The following KIF13A variants were observed in gnomAD, a reference collection of about 807,000 sequenced individuals.
KIF13A encodes the protein kinesin-like protein KIF13A.
Under a neutral mutation model 212.2 loss-of-function variants are expected in KIF13A, and 79 were observed. The ratio of observed to expected loss-of-function variants is 0.37; its 90% CI spans 0.31 to 0.45. The LOEUF (loss-of-function observed/expected upper bound fraction) is 0.45, where lower values mean the gene tolerates loss of function less well. Among genes scored for constraint, KIF13A ranks in the 20% least tolerant of loss-of-function variants. The pLI is 1.00. For missense variants in KIF13A, 1,901 were observed against 2,209.0 expected, an observed-to-expected ratio of 0.86 and a Z score of 2.79; for synonymous variants, 789 against 808.6, an observed-to-expected ratio of 0.98 and a Z score of 0.41.
At chr6:17,791,349 G>A (rs944661368) in intron 25 of KIF13A, among the ~76,000 whole-genome samples, 3 of 150,954 alleles carry the variant, frequency 2.0e-5, no homozygotes, top group African/African-American at 7.3e-5. Flanking sequence ...ATTGGTTTCA[G>A]CTACTGCATG....
chr6:17,975,331 G>C (rs527825232), intron 2 of KIF13A, among the ~76,000 whole-genome samples: 2 of 149,190 alleles, frequency 1.3e-5, no homozygotes, highest in Non-Finnish European at 3.0e-5. Flanking sequence ...GTAGGTTCTT[G>C]GTCTCACTAA....
rs148662800 is a variant in KIF13A at position 17,782,255 on chromosome 6, C to T, written c.3545-954G>A. On this transcript the variant is annotated intron_variant, in intron 29 of 38. Coordinates refer to ENST00000259711, the MANE Select transcript of KIF13A (RefSeq NM_022113.6). The stretch of plus-strand genomic sequence containing the variant: ...CGGCTGCTTTTATTCTTTAAAAATA[C>T]AACAGGAGCCAAAAAGTTGCCTTGT... 9.4e-3 allele frequency among the ~76,000 whole-genome samples: 1,420 copies of T among 151,446 alleles called. 26 individuals are homozygous for T. The highest frequency in any genetic ancestry group is 0.032 in the African/African-American group (1,336 of 41,372).
intron 9 of KIF13A, among the ~76,000 whole-genome samples, chr6:17,846,587 G>A: frequency 8.0e-6 from 1 of 125,730 alleles, no homozygotes; most frequent in East Asian, 2.3e-4. Context: ...GGTCAACATA[G>A]CGAGACCCCA....
At chr6:17,936,669 G>C (rs1298763391) in intron 2 of KIF13A, among the ~76,000 whole-genome samples, 1 of 152,120 alleles carries the variant, frequency 6.6e-6, no homozygotes. Context: ...ATTGCCCTAG[G>C]TCATAGATGA....
At chr6:17,844,523 T>G (rs947159543) in intron 9 of KIF13A, among the ~76,000 whole-genome samples, 1 of 152,236 alleles carries the variant, frequency 6.6e-6, no homozygotes, top group Non-Finnish European at 1.5e-5. Flanking sequence ...CTTTTAGCAC[T>G]GTGAATCTCC....
At chr6:17,831,972 A>C (rs1765492770) in intron 12 of KIF13A, among the ~76,000 whole-genome samples, 1 of 152,080 alleles carries the variant, frequency 6.6e-6, no homozygotes, top group Non-Finnish European at 1.5e-5. Context: ...CCATAAGAAA[A>C]CAGTTAAGTC....
At position 17,849,941 on chromosome 6, in the gene KIF13A, T is replaced by C. The variant is rs777358498; in HGVS notation, c.717+382A>G. On this transcript the variant is annotated intron_variant, in intron 8 of 38. Coordinates refer to ENST00000259711, the MANE Select transcript of KIF13A (RefSeq NM_022113.6). The surrounding 1 kb of genome is among the most constrained non-coding windows in gnomAD (Gnocchi z 5.7). ...GAAAGGATATATATTAAAAGCTGTA[T>C]GGTGATGTCATCACACTTGTTAGGG... 4.6e-5 allele frequency among the ~76,000 whole-genome samples: 7 copies of C among 152,238 alleles called. No homozygotes were observed. Among genetic ancestry groups the C allele is most frequent in the Non-Finnish European group, 7.3e-5 (5 of 68,030 alleles).
intron 17 of KIF13A, chr6:17,815,612 T>C (rs952820590): frequency 6.8e-6 from 3 of 441,964 alleles, no homozygotes; most frequent in African/African-American, 4.0e-5. Context: ...CCTATCTCTG[T>C]ATGGCTGGTT....
intron 29 of KIF13A, among the ~76,000 whole-genome samples, chr6:17,781,631 T>C (rs1439170062): frequency 6.8e-6 from 1 of 147,772 alleles, no homozygotes; most frequent in Non-Finnish European, 1.5e-5. Flanking sequence ...GGGTTTTTTT[T>C]TTTTTTTTTT....
intron 2 of KIF13A, among the ~76,000 whole-genome samples, chr6:17,913,664 G>A (rs763327425): frequency 6.6e-6 from 1 of 152,146 alleles, no homozygotes; most frequent in Non-Finnish European, 1.5e-5. Flanking sequence ...CTGAGCCCTG[G>A]AAGTTGCAGG....
chr6:17,865,945 C>T (rs535763845), intron 4 of KIF13A, among the ~76,000 whole-genome samples: 2 of 152,272 alleles, frequency 1.3e-5, no homozygotes, highest in South Asian at 2.1e-4. Context: ...TGAGCATGGT[C>T]TTTTTTTGTT....
At chr6:17,796,109 G>A (rs369317775) in intron 23 of KIF13A, among the ~76,000 whole-genome samples, 1 of 150,970 alleles carries the variant, frequency 6.6e-6, no homozygotes, top group Non-Finnish European at 1.5e-5. Flanking sequence ...TACAAACGAG[G>A]AAATAGGCTC....
At chr6:17,927,547 A>G (rs1009996180) in intron 2 of KIF13A, among the ~76,000 whole-genome samples, 12 of 152,210 alleles carry the variant, frequency 7.9e-5, no homozygotes, top group African/African-American at 2.4e-4. Flanking sequence ...TAATGGGTAT[A>G]GACTTTCTGT....
chr6:17,864,143 C>T (rs1374093181), intron 4 of KIF13A, among the ~76,000 whole-genome samples: 1 of 152,156 alleles, frequency 6.6e-6, no homozygotes, highest in South Asian at 2.1e-4. Flanking sequence ...CCAGACAATC[C>T]GAGCAGAGCC....
chr6:17,840,014 T>C (rs1766357256), intron 9 of KIF13A, among the ~76,000 whole-genome samples: 1 of 152,164 alleles, frequency 6.6e-6, no homozygotes, highest in Non-Finnish European at 1.5e-5. Flanking sequence ...ATGATTCCAT[T>C]TATATGAAAT....
At chr6:17,977,929 A>G (rs1196224632) in intron 2 of KIF13A, among the ~76,000 whole-genome samples, 2 of 152,244 alleles carry the variant, frequency 1.3e-5, no homozygotes, top group Non-Finnish European at 2.9e-5. Context: ...TTACCTGTGC[A>G]AAAACATTTT....
In KIF13A at chr6:17,987,505, C is replaced by CT. The variant is rs768057384; in HGVS notation, c.-43dup. On this transcript the variant is annotated 5_prime_UTR_variant, in exon 1 of 39. Coordinates refer to ENST00000259711, the MANE Select transcript of KIF13A (RefSeq NM_022113.6). The surrounding 1 kb of genome is among the most constrained non-coding windows in gnomAD (Gnocchi z 7.7). ...CGGCCGCTCGCCGCGCCCGCTCGGCCTTAGGCGGCCCCTCACGCGCGGCGC... is the reference window on the plus strand; with the variant it reads ...CGGCCGCTCGCCGCGCCCGCTCGGCCTTTAGGCGGCCCCTCACGCGCGGCGC... 3 of 1,103,624 alleles carry CT rather than the reference C, an allele frequency of 2.7e-6. No individual in the cohort carries two copies. The Admixed American group carries it at 1.2e-4, about 44-fold the overall frequency. The allele number at this position is 1,103,624 out of a possible 1,614,324, so 68.4% of individuals were successfully genotyped here.
chr6:17,798,562 A>G (rs1762230750), intron 22 of KIF13A, among the ~76,000 whole-genome samples: 1 of 152,186 alleles, frequency 6.6e-6, no homozygotes, highest in African/African-American at 2.4e-5. Context: ...TAGAACCAGA[A>G]AGAATAAGCA....
At chr6:17,831,281 T>A in intron 12 of KIF13A, 46 bp from the exon 13 acceptor site, 1 of 1,588,922 alleles carries the variant, frequency 6.3e-7, no homozygotes, top group African/African-American at 1.4e-5. Flanking sequence ...TTTGTTGTTC[T>A]ATTCACAAGA....
Sources: gnomAD v4.1 joint callset for allele counts (sites outside exome capture counted in the v4.1 genomes callset) on GRCh38, gnomAD v4.1.1 for gene constraint, Gnocchi (gnomAD v3.1) non-coding constraint, MANE v1.5 for transcripts, NCBI Gene and HGNC (gene_info 2026-07-23, HGNC 2026-07-21) for gene names.